The following GPC5 variants were observed in gnomAD, a reference collection of about 807,000 sequenced individuals.
GPC5 encodes the protein glypican 5, also known as glypican-5.
Under a neutral mutation model 53.9 loss-of-function variants are expected in GPC5, and 47 were observed. The ratio of observed to expected loss-of-function variants is 0.87; its 90% CI spans 0.69 to 1.11. GPC5 has a LOEUF of 1.11. Ranked by LOEUF, GPC5 falls within the 50% of genes most tolerant of loss-of-function variation. The probability of loss-of-function intolerance (pLI) is 0.00; values close to 1 mark genes in which losing one functional copy is unlikely to be tolerated. For synonymous variants in GPC5, 286 were observed against 263.3 expected, an observed-to-expected ratio of 1.09 and a Z score of -0.84; for missense variants, 748 against 713.1, an observed-to-expected ratio of 1.05 and a Z score of -0.56.
intron 5 of GPC5, among the ~76,000 whole-genome samples, chr13:91,858,664 G>C (rs2038993281): frequency 6.6e-6 from 1 of 151,970 alleles, no homozygotes; most frequent in South Asian, 2.1e-4. Flanking sequence ...AGTAATAATG[G>C]CCTTGTAGAA....
intron 6 of GPC5, among the ~76,000 whole-genome samples, chr13:91,929,020 A>C (rs1052497971): frequency 1.3e-5 from 2 of 152,154 alleles, no homozygotes; most frequent in African/African-American, 4.8e-5. Context: ...TTTCCTTGAC[A>C]GTGAAGTCCA....
rs781370988 is a variant in GPC5, at chr13:92,753,189, C to A, written c.1562-113093C>A. ...AAGTGGGTCCCTGACCCCTGACCCC[C>A]GAGCAGCCTAACTGGGAGGCACCCC... On this transcript the variant is annotated intron_variant, in intron 7 of 7. Transcript: ENST00000377067. 7.0e-4 allele frequency among the ~76,000 whole-genome samples: 107 copies of A among 152,286 alleles called. 1 individual carries two copies. Among genetic ancestry groups the A allele is most frequent in the Non-Finnish European group, 1.3e-3 (88 of 68,018 alleles).
rs922970159 is a variant in GPC5 at position 92,843,055 on chromosome 13, T to C, written c.1562-23227T>C. On this transcript the variant is annotated intron_variant, in intron 7 of 7. Coordinates refer to ENST00000377067, the MANE Select transcript of GPC5 (RefSeq NM_004466.6). ...TTTTCCTGCTTTGGAATTATAATTGTTCAAGAAGCAATAAAGACTGTTAAA... is the reference window on the plus strand; with the variant it reads ...TTTTCCTGCTTTGGAATTATAATTGCTCAAGAAGCAATAAAGACTGTTAAA... 5.9e-5 allele frequency among the ~76,000 whole-genome samples: 9 copies of C among 152,308 alleles called. No homozygotes were observed. In the East Asian group the frequency reaches 9.6e-4, roughly 16 times the overall value.
intron 7 of GPC5, among the ~76,000 whole-genome samples, chr13:92,565,403 C>T (rs2139034590): frequency 6.6e-6 from 1 of 152,094 alleles, no homozygotes; most frequent in East Asian, 1.9e-4. Context: ...TGATTAAGAT[C>T]TCCGTCCAGA....
chr13:92,709,176 A>T (rs908449306), intron 7 of GPC5, among the ~76,000 whole-genome samples: 5 of 150,462 alleles, frequency 3.3e-5, no homozygotes, highest in African/African-American at 7.3e-5. Context: ...CCTCCCAAGT[A>T]GCTGGGATTA....
intron 6 of GPC5, among the ~76,000 whole-genome samples, chr13:91,981,274 G>A (rs1178539132): frequency 2.0e-5 from 3 of 149,746 alleles, no homozygotes; most frequent in East Asian, 4.0e-4. Flanking sequence ...AAGAAAATTC[G>A]ACCTCAAGAG....
rs1883009587 is a variant in GPC5 at position 92,571,141 on chromosome 13, T to A, written c.1562-295141T>A. On this transcript the variant is annotated intron_variant, in intron 7 of 7. Coordinates refer to ENST00000377067, the MANE Select transcript of GPC5 (RefSeq NM_004466.6). ...ACATAATTTGAGAGGGGGCTAGTTT[T>A]GTCCATTTCTGAAAATTTGGGAGGA... Among the ~76,000 whole-genome samples the A allele has an allele frequency of 2.0e-5, 3 of 152,314 alleles. No homozygotes were observed. The East Asian group carries it at 5.8e-4, about 29-fold the overall frequency.
intron 7 of GPC5, among the ~76,000 whole-genome samples, chr13:92,373,515 G>A (rs914574246): frequency 6.6e-6 from 1 of 152,138 alleles, no homozygotes; most frequent in African/African-American, 2.4e-5. Flanking sequence ...AGCCCAGGGA[G>A]AACTCCTGGG....
intron 7 of GPC5, among the ~76,000 whole-genome samples, chr13:92,149,414 A>T (rs2041891491): frequency 6.6e-6 from 1 of 152,074 alleles, no homozygotes; most frequent in Non-Finnish European, 1.5e-5. Flanking sequence ...TTAATTTAGA[A>T]ATAGTAGGAT....
At chr13:91,414,093 T>C (rs1291725664) in intron 1 of GPC5, among the ~76,000 whole-genome samples, 1 of 152,184 alleles carries the variant, frequency 6.6e-6, no homozygotes, top group East Asian at 1.9e-4. Context: ...ACTGCCTCAA[T>C]GATATAGTTT....
At position 92,018,487 on chromosome 13, in the gene GPC5, G is replaced by T. The variant is rs932969952; in HGVS notation, c.1401+110430G>T. 9.2e-5 allele frequency among the ~76,000 whole-genome samples: 14 copies of T among 152,114 alleles called. No individual in the cohort carries two copies. In the South Asian group the frequency reaches 2.3e-3, roughly 25 times the overall value. ...CGTGCCTGTTTTTTATTCAATATTT[G>T]TGTTTGAATGGTACTTAAAAAAAGA... On this transcript the variant is annotated intron_variant, in intron 6 of 7. Transcript: ENST00000377067.
intron 7 of GPC5, among the ~76,000 whole-genome samples, chr13:92,824,295 AGAC>A (rs1327977910): frequency 1.3e-5 from 2 of 152,130 alleles, no homozygotes; most frequent in Admixed American, 6.6e-5. Context: ...ACTGCTCAGC[AGAC>A]GACAGGAGTT....
At chr13:91,783,623 G>A (rs2037832578) in intron 5 of GPC5, among the ~76,000 whole-genome samples, 1 of 151,824 alleles carries the variant, frequency 6.6e-6, no homozygotes, top group African/African-American at 2.4e-5. Flanking sequence ...TTTTTTTTTA[G>A]TAGAGATGGG....
intron 6 of GPC5, among the ~76,000 whole-genome samples, chr13:92,012,294 A>G (rs1006256359): frequency 1.4e-4 from 21 of 152,254 alleles, no homozygotes; most frequent in African/African-American, 5.1e-4. Flanking sequence ...TATTTGCTAT[A>G]AATACATAGG....
chr13:92,433,250 A>G (rs1389988097), intron 7 of GPC5, among the ~76,000 whole-genome samples: 2 of 152,116 alleles, frequency 1.3e-5, no homozygotes, highest in African/African-American at 4.8e-5. Flanking sequence ...TACATTCTTC[A>G]CTGTAGCCTG....
At chr13:92,332,483 C>T (rs981252522) in intron 7 of GPC5, among the ~76,000 whole-genome samples, 2 of 152,128 alleles carry the variant, frequency 1.3e-5, no homozygotes, top group African/African-American at 4.8e-5. Flanking sequence ...TGACAATTCA[C>T]TTATGTGGCT....
chr13:91,751,450 C>T (rs1182468392), intron 4 of GPC5, among the ~76,000 whole-genome samples: 2 of 152,210 alleles, frequency 1.3e-5, no homozygotes, highest in African/African-American at 4.8e-5. Context: ...CATTTCAGAT[C>T]AGCAGCCATT....
intron 5 of GPC5, among the ~76,000 whole-genome samples, chr13:91,801,448 CT>C (rs1213810511): frequency 6.6e-6 from 1 of 152,118 alleles, no homozygotes; most frequent in East Asian, 1.9e-4. Flanking sequence ...TGGCACAGTT[CT>C]TCCTTGTGTT....
chr13:92,398,975 T>C (rs1875428980), intron 7 of GPC5, among the ~76,000 whole-genome samples: 1 of 152,130 alleles, frequency 6.6e-6, no homozygotes, highest in South Asian at 2.1e-4. Context: ...CTCATTTACC[T>C]CTCCCATTCT....
Sources: allele counts gnomAD v4.1 joint callset (sites outside exome capture counted in the v4.1 genomes callset), GRCh38; gene constraint gnomAD v4.1.1; transcripts MANE v1.5; gene names NCBI Gene and HGNC (gene_info 2026-07-23, HGNC 2026-07-21).